Variants in SLC2A9 observed in about 807,000 individuals in gnomAD.
The protein encoded by SLC2A9 is solute carrier family 2 member 9.
A neutral mutation model predicts 50.6 loss-of-function variants in SLC2A9; 39 were observed. The observed-to-expected ratio is 0.77, with a 90% CI of 0.60 to 1.01. SLC2A9 has a LOEUF of 1.01. Ranked by LOEUF, SLC2A9 falls within the 50% of genes least tolerant of loss-of-function variation. The probability of loss-of-function intolerance (pLI) is 0.00; values close to 1 mark genes in which losing one functional copy is unlikely to be tolerated. For missense variants in SLC2A9, 686 were observed against 677.6 expected (o/e 1.01, Z -0.14); for synonymous variants, 324 against 276.9 (o/e 1.17, Z -1.69).
At chr4:9,966,824 T>C (rs1753121744) in intron 5 of SLC2A9, among the ~76,000 whole-genome samples, 1 of 63,530 alleles carries the variant, frequency 1.6e-5, no homozygotes, top group African/African-American at 1.9e-4. Flanking sequence ...AAGCTATTCA[T>C]TAAACCAAAC....
chr4:9,914,106 C>T (rs1173955767), intron 7 of SLC2A9, among the ~76,000 whole-genome samples: 1 of 152,162 alleles, frequency 6.6e-6, no homozygotes, highest in East Asian at 1.9e-4. Flanking sequence ...TGAGATCGAG[C>T]CCTGATCATC....
intron 8 of SLC2A9, among the ~76,000 whole-genome samples, chr4:9,902,782 C>G (rs1432955137): frequency 6.6e-6 from 1 of 152,200 alleles, no homozygotes; most frequent in Non-Finnish European, 1.5e-5. Context: ...TCCAGTATAA[C>G]CGTATCTTAC....
At chr4:9,772,475 C>G (rs1279977430) in intron 1 of SLC2A9, among the ~76,000 whole-genome samples, 1 of 152,206 alleles carries the variant, frequency 6.6e-6, no homozygotes, top group Non-Finnish European at 1.5e-5. Context: ...CACACCTGGT[C>G]TGACCGGAGG....
At position 9,981,785 on chromosome 4, in the gene SLC2A9, T is replaced by C. The variant is rs550324991; in HGVS notation, c.536-1048A>G. The stretch of plus-strand genomic sequence containing the variant: ...AGGAAGATGCCCTGTTGTCCTATTA[T>C]GGTTTCAAATACTCCGGGAGAACCT... On this transcript the variant is annotated intron_variant, in intron 4 of 11. Coordinates refer to ENST00000264784, the MANE Select transcript of SLC2A9 (RefSeq NM_020041.3). Among the ~76,000 whole-genome samples the C allele has an allele frequency of 3.9e-5, 6 of 152,320 alleles. No individual in the cohort carries two copies. The South Asian group carries it at 1.2e-3, about 32-fold the overall frequency.
chr4:9,790,758 A>C (rs1275010183), intron 3 of SLC2A9, among the ~76,000 whole-genome samples: 1 of 152,192 alleles, frequency 6.6e-6, no homozygotes, highest in East Asian at 1.9e-4. Flanking sequence ...AATAGGGCCT[A>C]AGCTTCACTT....
chr4:9,953,464 C>T (rs1016053417), intron 5 of SLC2A9, among the ~76,000 whole-genome samples: 13 of 152,266 alleles, frequency 8.5e-5, no homozygotes, highest in Non-Finnish European at 1.8e-4. Flanking sequence ...TGCCTGCTCC[C>T]TTGGTCATTT....
chr4:10,014,513 T>C (rs1170135014), intron 2 of SLC2A9, among the ~76,000 whole-genome samples: 2 of 152,182 alleles, frequency 1.3e-5, no homozygotes, highest in Admixed American at 6.5e-5. Flanking sequence ...ACCTTTCTGA[T>C]CTGGCTTCAG....
chr4:10,031,674 C>T (rs1763944506), intron 1 of SLC2A9, among the ~76,000 whole-genome samples: 1 of 152,196 alleles, frequency 6.6e-6, no homozygotes, highest in Admixed American at 6.5e-5. Context: ...GAAAGTTAGT[C>T]CTAGCCAGGA....
intron 5 of SLC2A9, among the ~76,000 whole-genome samples, chr4:9,946,828 C>A (rs551513149): frequency 6.6e-6 from 1 of 152,186 alleles, no homozygotes; most frequent in Non-Finnish European, 1.5e-5. Context: ...TTCCCTGCCC[C>A]ATTCTAGGGG....
rs1318951534 is a variant in SLC2A9 at position 9,950,684 on chromosome 4, G to GATTTCTCAAAAAACTAA, written c.682-8640_682-8639insTTAGTTTTTTGAGAAAT. On this transcript the variant is annotated intron_variant, in intron 5 of 11. Transcript: ENST00000264784. ...TAGCTGTGAAAGAAAACAGTATGGA[G>GATTTCTCAAAAAACTAA]AGATCGAGACCATCCTGGCTAACAC... Among the ~76,000 whole-genome samples the GATTTCTCAAAAAACTAA allele has an allele frequency of 4.8e-3, 459 of 96,326 alleles. 39 individuals carry two copies. The highest frequency in any genetic ancestry group is 0.026 in the East Asian group (86 of 3,350). 63.2% of individuals were successfully genotyped at this position (96,326 alleles called of 152,430 possible).
At chr4:9,782,420 C>T (rs761016838) in intron 3 of SLC2A9, 2 of 1,614,032 alleles carry the variant, frequency 1.2e-6, no homozygotes, top group Admixed American at 3.3e-5. Context: ...CATCCTGAAC[C>T]TGTGCGTCAT....
chr4:10,001,389 T>C (rs889169310), intron 2 of SLC2A9, among the ~76,000 whole-genome samples: 3 of 152,274 alleles, frequency 2.0e-5, no homozygotes, highest in South Asian at 4.1e-4. Context: ...TGGCCATCTG[T>C]GAGCCAGAGA....
chr4:10,018,209 T>C (rs1762927074), intron 2 of SLC2A9, among the ~76,000 whole-genome samples: 1 of 152,230 alleles, frequency 6.6e-6, no homozygotes. Flanking sequence ...AGATGGGTCT[T>C]ATCCAGCAGA....
At chr4:9,936,439 GAC>G (rs546377400) in intron 6 of SLC2A9, among the ~76,000 whole-genome samples, 51 of 152,278 alleles carry the variant, frequency 3.3e-4, no homozygotes, top group African/African-American at 1.2e-3. Flanking sequence ...CACATGCTGT[GAC>G]ACACAGTAGG....
At chr4:9,867,924 C>A (rs1031716868) in intron 10 of SLC2A9, among the ~76,000 whole-genome samples, 2 of 152,172 alleles carry the variant, frequency 1.3e-5, no homozygotes, top group African/African-American at 2.4e-5. Context: ...GCGTGCCCCC[C>A]CCACCCGAGG....
chr4:9,851,721 A>G (rs551728343), intron 10 of SLC2A9, among the ~76,000 whole-genome samples: 25 of 152,226 alleles, frequency 1.6e-4, no homozygotes, highest in African/African-American at 5.8e-4. Context: ...CATTTTAAGA[A>G]AAAACCAAAC....
intron 10 of SLC2A9, among the ~76,000 whole-genome samples, chr4:9,878,018 T>C (rs1409018129): frequency 1.3e-5 from 2 of 152,108 alleles, no homozygotes; most frequent in African/African-American, 2.4e-5. Context: ...AGAATGTCTA[T>C]AGTGGTCATT....
intron 5 of SLC2A9, among the ~76,000 whole-genome samples, chr4:9,964,086 A>G (rs1368879991): frequency 6.6e-6 from 1 of 152,214 alleles, no homozygotes; most frequent in Non-Finnish European, 1.5e-5. Context: ...CAGGGAGTCA[A>G]CACTGAATAT....
downstream of SLC2A9, among the ~76,000 whole-genome samples, chr4:9,775,337 C>T (rs1298268416): frequency 6.6e-6 from 1 of 152,160 alleles, no homozygotes; most frequent in Non-Finnish European, 1.5e-5. Flanking sequence ...GGCTGAGCCT[C>T]AGCCCCCATG....
Sources: allele counts gnomAD v4.1 joint callset (sites outside exome capture counted in the v4.1 genomes callset), GRCh38; gene constraint gnomAD v4.1.1; transcripts MANE v1.5; gene names NCBI Gene and HGNC (gene_info 2026-07-23, HGNC 2026-07-21).